SLC35F1: variants seen among roughly 807,000 people sequenced by gnomAD.
The protein encoded by SLC35F1 is solute carrier family 35 member F1.
Under a neutral mutation model 48.7 loss-of-function variants are expected in SLC35F1, and 14 were observed. The observed-to-expected ratio is 0.29, with a 90% confidence interval of 0.19 to 0.45. The LOEUF is 0.45. Among genes scored for constraint, SLC35F1 ranks in the 20% least tolerant of loss-of-function variants. The pLI, the probability that SLC35F1 is intolerant of heterozygous loss-of-function variation, is 1.00. For synonymous variants in SLC35F1, 190 were observed against 202.2 expected, an observed-to-expected ratio of 0.94 and a Z score of 0.51; for missense variants, 404 against 500.0, an observed-to-expected ratio of 0.81 and a Z score of 1.83.
At chr6:118,259,992 A>G (rs1189854852) in intron 3 of SLC35F1, among the ~76,000 whole-genome samples, 1 of 152,148 alleles carries the variant, frequency 6.6e-6, no homozygotes, top group Non-Finnish European at 1.5e-5. Context: ...CAACTGAGCA[A>G]TGTGTAAGTA....
At chr6:118,168,548 G>A (rs563342958) in intron 2 of SLC35F1, among the ~76,000 whole-genome samples, 32 of 152,206 alleles carry the variant, frequency 2.1e-4, no homozygotes, top group South Asian at 1.9e-3. Flanking sequence ...ATTTTCAGAC[G>A]GTGGTTAACG....
intron 1 of SLC35F1, among the ~76,000 whole-genome samples, chr6:117,953,521 T>C (rs902325405): frequency 6.6e-6 from 1 of 152,100 alleles, no homozygotes; most frequent in African/African-American, 2.4e-5. Context: ...ATCTTGAAAC[T>C]CCTATTTACA....
intron 1 of SLC35F1, among the ~76,000 whole-genome samples, chr6:118,138,420 T>G (rs1279404311): frequency 2.6e-5 from 4 of 152,210 alleles, no homozygotes; most frequent in Non-Finnish European, 5.9e-5. Flanking sequence ...ACCTAGTCTC[T>G]TGTTAGCCAA....
intron 5 of SLC35F1, 74 bp downstream of exon 5, chr6:118,275,689 G>A (rs1582765210): frequency 2.0e-6 from 3 of 1,473,210 alleles, no homozygotes; most frequent in East Asian, 2.4e-5. Flanking sequence ...TTGTTCTTGG[G>A]ATGTAAAAAT....
At chr6:118,156,747 A>C (rs74377838) in intron 2 of SLC35F1, among the ~76,000 whole-genome samples, 6,307 of 152,218 alleles carry the variant, frequency 0.041, 186 homozygotes, top group Non-Finnish European at 0.067. Context: ...CTTGAAGCGC[A>C]GGGCTTCCAG....
chr6:117,992,382 A>G (rs766747327), intron 1 of SLC35F1, among the ~76,000 whole-genome samples: 2 of 152,338 alleles, frequency 1.3e-5, no homozygotes, highest in South Asian at 4.1e-4. Context: ...TATCCTATAC[A>G]TTGGAGCAGA....
intron 1 of SLC35F1, among the ~76,000 whole-genome samples, chr6:118,036,693 G>C (rs1772136179): frequency 6.6e-6 from 1 of 152,130 alleles, no homozygotes; most frequent in Non-Finnish European, 1.5e-5. Flanking sequence ...AAGTAGCTGG[G>C]ACTACAGGTG....
At chr6:118,130,427 C>T (rs1477449876) in intron 1 of SLC35F1, among the ~76,000 whole-genome samples, 2 of 152,064 alleles carry the variant, frequency 1.3e-5, no homozygotes, top group African/African-American at 2.4e-5. Context: ...GCGGAGATCG[C>T]ACCACTGCAC....
At chr6:118,038,546 T>C (rs1395863362) in intron 1 of SLC35F1, among the ~76,000 whole-genome samples, 4 of 151,974 alleles carry the variant, frequency 2.6e-5, no homozygotes, top group Non-Finnish European at 4.4e-5. Context: ...ATGTATTCTT[T>C]AATTTATTTT....
Position 118,208,143 on chromosome 6 carries a change from A to C in SLC35F1, c.350-27366A>C, listed in dbSNP as rs182598841. Among the ~76,000 whole-genome samples the C allele has an allele frequency of 1.7e-3, 224 of 130,588 alleles. 1 individual carries two copies. The highest frequency in any genetic ancestry group is 6.3e-3 in the African/African-American group (215 of 34,212). The allele number at this position is 130,588 out of a possible 152,430, so 85.7% of individuals were successfully genotyped here. On this transcript the variant is annotated intron_variant, in intron 2 of 7. Coordinates refer to ENST00000360388, the MANE Select transcript of SLC35F1 (RefSeq NM_001029858.4). ...CGCGATCACACACACACACACACACACCCCTCTGCTGCAGTGGTACCCCCG... is the reference window on the plus strand; with the variant it reads ...CGCGATCACACACACACACACACACCCCCCTCTGCTGCAGTGGTACCCCCG...
At chr6:118,110,023 A>G (rs1331355192) in intron 1 of SLC35F1, among the ~76,000 whole-genome samples, 1 of 152,206 alleles carries the variant, frequency 6.6e-6, no homozygotes, top group Admixed American at 6.5e-5. Flanking sequence ...ACAAATGTAC[A>G]GATACATCAC....
intron 1 of SLC35F1, among the ~76,000 whole-genome samples, chr6:117,966,978 CTT>C (rs948319567): frequency 1.3e-5 from 2 of 152,138 alleles, no homozygotes; most frequent in African/African-American, 4.8e-5. Flanking sequence ...TCTTTAGAAA[CTT>C]TGATATTTTT....
At chr6:118,122,035 G>T (rs1346732605) in intron 1 of SLC35F1, among the ~76,000 whole-genome samples, 1 of 151,998 alleles carries the variant, frequency 6.6e-6, no homozygotes, top group East Asian at 1.9e-4. Flanking sequence ...ATTACTCTCA[G>T]AAAATAGGAA....
chr6:117,939,213 T>C (rs1776198697), intron 1 of SLC35F1, among the ~76,000 whole-genome samples: 1 of 152,110 alleles, frequency 6.6e-6, no homozygotes, highest in Non-Finnish European at 1.5e-5. Flanking sequence ...GGTCTCACTG[T>C]CTTACCCAAG....
chr6:117,965,826 A>G (rs371420786), intron 1 of SLC35F1, among the ~76,000 whole-genome samples: 40 of 152,270 alleles, frequency 2.6e-4, no homozygotes, highest in Admixed American at 3.9e-4. Flanking sequence ...AAATGCACCA[A>G]TCAGCACTCT....
At chr6:118,156,751 C>A (rs530495665) in intron 2 of SLC35F1, among the ~76,000 whole-genome samples, 92 of 152,024 alleles carry the variant, frequency 6.1e-4, no homozygotes, top group Non-Finnish European at 2.2e-4. Flanking sequence ...AAGCGCAGGG[C>A]TTCCAGCTTA....
chr6:118,054,434 A>G (rs1353821674), intron 1 of SLC35F1, among the ~76,000 whole-genome samples: 2 of 152,226 alleles, frequency 1.3e-5, no homozygotes, highest in Non-Finnish European at 2.9e-5. Flanking sequence ...TGATTGAAAT[A>G]TTTACTTTGG....
intron 1 of SLC35F1, among the ~76,000 whole-genome samples, chr6:117,996,887 A>G (rs4395762): frequency 0.99 from 151,389 of 152,314 alleles, 75,239 homozygotes; most frequent in Middle Eastern, 1. Context: ...CCAAAGGAAC[A>G]CAGTTCCTCA....
At chr6:118,009,742 C>T (rs1260840057) in intron 1 of SLC35F1, among the ~76,000 whole-genome samples, 1 of 152,130 alleles carries the variant, frequency 6.6e-6, no homozygotes, top group Non-Finnish European at 1.5e-5. Flanking sequence ...AAACTGAGTG[C>T]ACAAAATGAC....
Sources: gnomAD v4.1 joint callset for allele counts (sites outside exome capture counted in the v4.1 genomes callset) on GRCh38, gnomAD v4.1.1 for gene constraint, MANE v1.5 for transcripts, NCBI Gene and HGNC (gene_info 2026-07-23, HGNC 2026-07-21) for gene names.